EVI5: variants seen among roughly 807,000 people sequenced by gnomAD.
EVI5 encodes the protein ecotropic viral integration site 5 protein homolog.
In EVI5, 73 loss-of-function variants were observed where a neutral mutation model predicts 112.0. The ratio of observed to expected loss-of-function variants is 0.65; its 90% confidence interval spans 0.54 to 0.79. The LOEUF (loss-of-function observed/expected upper bound fraction) is 0.79. Among genes scored for constraint, EVI5 ranks in the 30% least tolerant of loss-of-function variants. The pLI, the probability that EVI5 is intolerant of heterozygous loss-of-function variation, is 0.00. For missense variants in EVI5, 900 were observed against 968.8 expected, an observed-to-expected ratio of 0.93 and a Z score of 0.94; for synonymous variants, 305 against 319.9, an observed-to-expected ratio of 0.95 and a Z score of 0.50.
At chr1:92,786,839 C>T (rs1157675070), upstream of EVI5, among the ~76,000 whole-genome samples, 1 of 152,194 alleles carries the variant, frequency 6.6e-6, no homozygotes, top group African/African-American at 2.4e-5. Flanking sequence ...CTGCTCAGAC[C>T]AATTCCACCC....
chr1:92,741,162 G>C (rs2102852781), intron 1 of EVI5, among the ~76,000 whole-genome samples: 1 of 152,312 alleles, frequency 6.6e-6, no homozygotes, highest in South Asian at 2.1e-4. Flanking sequence ...CATTTTACAA[G>C]TGAAGAAATG....
At chr1:92,697,213 C>T (rs961649193) in intron 6 of EVI5, among the ~76,000 whole-genome samples, 3 of 151,884 alleles carry the variant, frequency 2.0e-5, no homozygotes, top group Non-Finnish European at 2.9e-5. Context: ...AAATTCTGCT[C>T]ATTTAATTGA....
chr1:92,788,314 C>CA (rs987367860), upstream of EVI5, among the ~76,000 whole-genome samples: 34 of 145,742 alleles, frequency 2.3e-4, no homozygotes, highest in African/African-American at 7.0e-4. Flanking sequence ...TACTGAAATA[C>CA]AAAAAAAAAA....
chr1:92,638,388 C>G (rs750314056), intron 13 of EVI5, among the ~76,000 whole-genome samples: 1 of 146,426 alleles, frequency 6.8e-6, no homozygotes, highest in Non-Finnish European at 1.5e-5. Context: ...TAACTCTAAA[C>G]GTATTATGTA....
At chr1:92,697,492 G>C (rs1670492270) in intron 6 of EVI5, among the ~76,000 whole-genome samples, 1 of 152,184 alleles carries the variant, frequency 6.6e-6, no homozygotes, top group South Asian at 2.1e-4. Context: ...GACTCAAAGA[G>C]ACAGTCTCCA....
chr1:92,597,002 C>T (rs1648062416), intron 18 of EVI5, among the ~76,000 whole-genome samples: 1 of 151,950 alleles, frequency 6.6e-6, no homozygotes, highest in African/African-American at 2.4e-5. Flanking sequence ...CATTTGATCC[C>T]AACAACTATA....
intron 13 of EVI5, among the ~76,000 whole-genome samples, chr1:92,651,013 C>T (rs973981344): frequency 1.3e-5 from 2 of 152,072 alleles, no homozygotes; most frequent in African/African-American, 4.8e-5. Flanking sequence ...CTGCACAAAC[C>T]ACCTCTCCTC....
At chr1:92,711,294 A>C (rs1672820785) in intron 2 of EVI5, among the ~76,000 whole-genome samples, 1 of 152,194 alleles carries the variant, frequency 6.6e-6, no homozygotes, top group Admixed American at 6.5e-5. Context: ...AAATCTGGTA[A>C]TTATCTGAAA....
chr1:92,518,606 T>G (rs771704205), intron 19 of EVI5, among the ~76,000 whole-genome samples: 9 of 150,324 alleles, frequency 6.0e-5, no homozygotes, highest in Non-Finnish European at 1.2e-4. Context: ...TCGAGGATAG[T>G]ATCTCCGAGA....
chr1:92,684,662 C>T (rs1009655457), intron 9 of EVI5, among the ~76,000 whole-genome samples: 7 of 151,946 alleles, frequency 4.6e-5, no homozygotes, highest in Non-Finnish European at 1.0e-4. Flanking sequence ...AGACCCACCT[C>T]ACGTGCAAAG....
chr1:92,650,863 C>A (rs1306688129), intron 13 of EVI5, among the ~76,000 whole-genome samples: 1 of 152,130 alleles, frequency 6.6e-6, no homozygotes, highest in African/African-American at 2.4e-5. Flanking sequence ...TTGATAAAGG[C>A]CTTTCTACTA....
intron 18 of EVI5, among the ~76,000 whole-genome samples, chr1:92,569,577 C>T (rs1669988488): frequency 6.6e-6 from 1 of 152,012 alleles, no homozygotes; most frequent in Non-Finnish European, 1.5e-5. Context: ...TATTTTGGGC[C>T]AGGCGCGGTG....
In EVI5 at chr1:92,698,005, A is replaced by AG; in HGVS notation, c.640-21_640-20insC. Reference sequence around the variant, plus strand: ...TGGCATCTACATTGGAAGAAAAAAAAACAACATAGGTTAATGTTCTCTGAT... The same window carrying AG: ...TGGCATCTACATTGGAAGAAAAAAAAGACAACATAGGTTAATGTTCTCTGAT... On this transcript the variant is annotated intron_variant, in intron 5 of 19. Coordinates refer to ENST00000684568, the MANE Select transcript of EVI5 (RefSeq NM_001350197.2). 6.2e-7 allele frequency: 1 copy of AG among 1,602,232 alleles called. No individual in the cohort carries two copies. Among genetic ancestry groups the AG allele is most frequent in the South Asian group, 1.1e-5 (1 of 89,316 alleles).
chr1:92,593,975 C>T (rs150878650), intron 18 of EVI5, among the ~76,000 whole-genome samples: 29,720 of 152,138 alleles, frequency 0.2, 3,443 homozygotes, highest in Middle Eastern at 0.26. Context: ...GAATCAATAT[C>T]GTGAAAATGG....
intron 18 of EVI5, among the ~76,000 whole-genome samples, chr1:92,582,708 C>T (rs1381494803): frequency 6.6e-6 from 1 of 152,164 alleles, no homozygotes. Flanking sequence ...CTTGGTAGCC[C>T]AAGTTTCCTT....
chr1:92,714,196 T>G (rs1286875139), intron 2 of EVI5: 2 of 902,398 alleles, frequency 2.2e-6, no homozygotes, highest in Non-Finnish European at 2.7e-6. Context: ...CACTTATTTT[T>G]AAAAAGTAAT....
chr1:92,769,743 C>T (rs1185379180), intron 1 of EVI5, among the ~76,000 whole-genome samples: 4 of 151,916 alleles, frequency 2.6e-5, no homozygotes, highest in East Asian at 1.9e-4. Flanking sequence ...AAAAATTAGC[C>T]GGGTGTGGTG....
At chr1:92,606,990 A>G (rs1015525014) in intron 17 of EVI5, among the ~76,000 whole-genome samples, 3 of 151,436 alleles carry the variant, frequency 2.0e-5, no homozygotes, top group Non-Finnish European at 4.4e-5. Flanking sequence ...CCACTGCTAT[A>G]TTGTAAATTT....
intron 18 of EVI5, among the ~76,000 whole-genome samples, chr1:92,595,084 T>A (rs571738073): frequency 1.6e-4 from 24 of 151,910 alleles, no homozygotes; most frequent in African/African-American, 5.5e-4. Flanking sequence ...CAAAGGATTA[T>A]AAATCATGCT....
Sources: allele counts gnomAD v4.1 joint callset (sites outside exome capture counted in the v4.1 genomes callset), GRCh38; gene constraint gnomAD v4.1.1; transcripts MANE v1.5; gene names NCBI Gene and HGNC (gene_info 2026-07-23, HGNC 2026-07-21).